Variants in SNX29 observed in about 807,000 individuals in gnomAD.
SNX29 encodes sorting nexin-29.
Under a neutral mutation model 102.1 loss-of-function variants are expected in SNX29, and 78 were observed. The observed-to-expected ratio is 0.76, with a 90% CI of 0.64 to 0.92. SNX29 has a LOEUF of 0.92. Among genes scored for constraint, SNX29 ranks in the 40% least tolerant of loss-of-function variants. The probability of loss-of-function intolerance (pLI) is 0.00; values close to 1 mark genes in which losing one functional copy is unlikely to be tolerated. For missense variants in SNX29, 1,280 were observed against 1,061.7 expected (o/e 1.21, Z -2.86); for synonymous variants, 580 against 414.5 (o/e 1.40, Z -4.85).
At chr16:12,164,103 G>C (rs2055909207) in intron 13 of SNX29, among the ~76,000 whole-genome samples, 1 of 152,048 alleles carries the variant, frequency 6.6e-6, no homozygotes, top group African/African-American at 2.4e-5. Context: ...TGTGTGTAGG[G>C]GCACAAAGGA....
chr16:12,570,366 C>A lies in SNX29; in HGVS notation c.*1737C>A, dbSNP rs368953671. The A allele has an allele frequency of 2.1e-6, 1 of 478,688 alleles. No individual in the cohort carries two copies. Among genetic ancestry groups the A allele is most frequent in the Non-Finnish European group, 2.9e-6 (1 of 342,200 alleles). 29.7% of individuals were successfully genotyped at this position (478,688 alleles called of 1,614,324 possible). A position where few individuals can be genotyped will look rare whatever the true frequency, so the allele number is the denominator to read the frequency against. ...CTCACCTGCCAACATTGCTGCAATACACATGGTTTATCTGAAATTCCAAGG... is the reference window on the plus strand; with the variant it reads ...CTCACCTGCCAACATTGCTGCAATAAACATGGTTTATCTGAAATTCCAAGG... On this transcript the variant is annotated 3_prime_UTR_variant, in exon 21 of 21. Coordinates refer to ENST00000566228, the MANE Select transcript of SNX29 (RefSeq NM_032167.5).
At chr16:12,039,699 A>G (rs1316455029) in intron 4 of SNX29, among the ~76,000 whole-genome samples, 2 of 152,214 alleles carry the variant, frequency 1.3e-5, no homozygotes, top group African/African-American at 4.8e-5. Context: ...TACTTGGAAT[A>G]TTAAACAGTT....
In SNX29 at chr16:12,272,963, A is replaced by C. The variant is rs7194718; in HGVS notation, c.1679-4970A>C. On this transcript the variant is annotated intron_variant, in intron 14 of 20. Coordinates refer to ENST00000566228, the MANE Select transcript of SNX29 (RefSeq NM_032167.5). ...CAGCTCCCCATCCTCTGGCACAGTC[A>C]TATCATCATTTTGGTTAGATCAGTA... Among the ~76,000 whole-genome samples the C allele has an allele frequency of 3.9e-5, 6 of 152,224 alleles. No individual in the cohort carries two copies. The East Asian group carries it at 9.7e-4, about 24-fold the overall frequency.
At chr16:12,429,626 C>T (rs78853121) in intron 18 of SNX29, among the ~76,000 whole-genome samples, 7,936 of 152,270 alleles carry the variant, frequency 0.052, 468 homozygotes, top group African/African-American at 0.14. Flanking sequence ...ACACTTTACA[C>T]CAAAACCATC....
intron 15 of SNX29, among the ~76,000 whole-genome samples, chr16:12,286,671 T>G (rs1335071957): frequency 6.6e-6 from 1 of 152,126 alleles, no homozygotes; most frequent in Non-Finnish European, 1.5e-5. Flanking sequence ...ATTTTTTTAT[T>G]ATGTAAAAGT....
chr16:12,281,638 A>C (rs1265235970), intron 15 of SNX29, among the ~76,000 whole-genome samples: 1 of 152,190 alleles, frequency 6.6e-6, no homozygotes, highest in Non-Finnish European at 1.5e-5. Context: ...AGATCCAGGC[A>C]CTGTGCTGGG....
chr16:12,341,059 A>T (rs1246677518), intron 15 of SNX29, among the ~76,000 whole-genome samples: 1 of 152,242 alleles, frequency 6.6e-6, no homozygotes, highest in Non-Finnish European at 1.5e-5. Context: ...AGGAATATTG[A>T]TAAAGGACCA....
At chr16:12,254,424 C>T (rs2142412684) in intron 14 of SNX29, among the ~76,000 whole-genome samples, 1 of 152,164 alleles carries the variant, frequency 6.6e-6, no homozygotes, top group Middle Eastern at 3.4e-3. Context: ...CCAAGGCGGG[C>T]AGATCACTTG....
chr16:12,235,786 TGTG>T (rs772911615), intron 14 of SNX29, among the ~76,000 whole-genome samples: 2 of 105,278 alleles, frequency 1.9e-5, no homozygotes, highest in Non-Finnish European at 3.6e-5. Context: ...GGTTGTAAAT[TGTG>T]TGTGTGTGTG....
intron 15 of SNX29, among the ~76,000 whole-genome samples, chr16:12,299,311 A>G (rs576068759): frequency 6.6e-6 from 1 of 152,290 alleles, no homozygotes; most frequent in East Asian, 1.9e-4. Flanking sequence ...AAAAAAAAAA[A>G]TTACAAATTT....
intron 3 of SNX29, among the ~76,000 whole-genome samples, chr16:12,010,582 C>T (rs763959790): frequency 9.2e-5 from 14 of 152,254 alleles, no homozygotes; most frequent in East Asian, 1.9e-4. Flanking sequence ...GTCATCAACC[C>T]GCCATTGCAC....
chr16:12,539,411 C>G (rs150410183), intron 20 of SNX29, among the ~76,000 whole-genome samples: 2 of 152,080 alleles, frequency 1.3e-5, no homozygotes, highest in Admixed American at 6.5e-5. Flanking sequence ...ACCGTCAAGT[C>G]GTTGGGTGAG....
rs1218661653 is a variant in SNX29, at chr16:12,572,727, T to G, written c.*4098T>G. ...TCTTCCAGCCTTGGCACAGAACTGA[T>G]GGCAAAGGAAGGGCTGGGTTTTCAG... On this transcript the variant is annotated 3_prime_UTR_variant, in exon 21 of 21. Coordinates refer to ENST00000566228, the MANE Select transcript of SNX29 (RefSeq NM_032167.5). 7 of 1,063,874 alleles carry G rather than the reference T, an allele frequency of 6.6e-6. No individual in the cohort carries two copies. Among genetic ancestry groups the G allele is most frequent in the Non-Finnish European group, 8.0e-6 (7 of 878,408 alleles). 65.9% of individuals were successfully genotyped at this position (1,063,874 alleles called of 1,614,324 possible). A position where few individuals can be genotyped will look rare whatever the true frequency, so the allele number is the denominator to read the frequency against.
chr16:12,177,503 A>G (rs1417622069), intron 13 of SNX29, among the ~76,000 whole-genome samples: 3 of 151,882 alleles, frequency 2.0e-5, no homozygotes, highest in African/African-American at 7.3e-5. Context: ...GTAGGTCTTA[A>G]TGAAAGTTAC....
chr16:12,109,144 A>AATG (rs1555461963), intron 11 of SNX29, among the ~76,000 whole-genome samples: 2 of 130,548 alleles, frequency 1.5e-5, no homozygotes, highest in African/African-American at 6.3e-5. Flanking sequence ...AAAAAAAAAA[A>AATG]AAAAAAAAAA....
At chr16:11,988,901 G>T (rs1165813497) in intron 1 of SNX29, among the ~76,000 whole-genome samples, 1 of 152,166 alleles carries the variant, frequency 6.6e-6, no homozygotes, top group Non-Finnish European at 1.5e-5. Flanking sequence ...GTGACAGAGA[G>T]TGTATGGCCT....
chr16:12,498,287 G>A (rs1006617410), intron 19 of SNX29, among the ~76,000 whole-genome samples: 1 of 152,188 alleles, frequency 6.6e-6, no homozygotes, highest in Non-Finnish European at 1.5e-5. Context: ...CACGTTAGCA[G>A]GTGAGGCAAA....
chr16:12,098,732 C>A lies in SNX29; in HGVS notation c.1402+19817C>A, dbSNP rs561455129. 6.6e-6 allele frequency among the ~76,000 whole-genome samples: 1 copy of A among 152,230 alleles called. No individual in the cohort carries two copies. The highest frequency in any genetic ancestry group is 1.5e-5 in the Non-Finnish European group (1 of 68,038). On this transcript the variant is annotated intron_variant, in intron 11 of 20. Transcript: ENST00000566228. The surrounding 1 kb of genome is among the most constrained non-coding windows in gnomAD (Gnocchi z 6.0). ...AAGATCAAGAGGCTAGCTTTGTCAT[C>A]AGTAAAGCTGGTTGGAAAACAGAGC... is the stretch of plus-strand genomic sequence containing the variant.
intron 13 of SNX29, among the ~76,000 whole-genome samples, chr16:12,151,380 CTTTG>C (rs1347627096): frequency 2.6e-5 from 4 of 152,274 alleles, no homozygotes; most frequent in African/African-American, 9.6e-5. Flanking sequence ...TTTACAGTGG[CTTTG>C]TTTGAGTGGG....
Sources: gnomAD v4.1 joint callset for allele counts (sites outside exome capture counted in the v4.1 genomes callset) on GRCh38, gnomAD v4.1.1 for gene constraint, Gnocchi (gnomAD v3.1) non-coding constraint, MANE v1.5 for transcripts, NCBI Gene and HGNC (gene_info 2026-07-23, HGNC 2026-07-21) for gene names.